SYT1: variants seen among roughly 807,000 people sequenced by gnomAD.
SYT1 encodes synaptotagmin-1.
In SYT1, 8 loss-of-function variants were observed where a neutral mutation model predicts 44.8. The observed-to-expected ratio is 0.18, with a 90% CI of 0.10 to 0.32. The LOEUF is 0.32. Ranked by LOEUF, SYT1 falls within the 10% of genes least tolerant of loss-of-function variation. SYT1 has a pLI of 1.00. For synonymous variants in SYT1, 154 were observed against 188.8 expected, an observed-to-expected ratio of 0.82 and a Z score of 1.51; for missense variants, 286 against 509.3, an observed-to-expected ratio of 0.56 and a Z score of 4.22.
In SYT1 at chr12:79,292,066, C is replaced by A. The variant is rs751377933; in HGVS notation, c.410C>A (p.Pro137His). 6.2e-7 allele frequency: 1 copy of A among 1,613,884 alleles called. No individual in the cohort carries two copies. Among genetic ancestry groups the A allele is most frequent in the Non-Finnish European group, 8.5e-7 (1 of 1,179,984 alleles). ...ACAGATGGAGAAGAAAAAGAAGAAC[C>A]CAAAGAAGAGGAGAAACTGGGAAAA... ...GLTDGEEKEE[P>H]KEEEKLGKLQ... Residue 137 changes from proline (P) to histidine (H), a missense_variant, in exon 6 of 11, where the codon CCC becomes CAC. Physicochemically the swap from Pro to His is moderately conservative, Grantham distance 77. This residue lies in a region of SYT1 where 141 missense variants were observed against 165.7 expected (regional missense o/e 0.85). Coordinates refer to ENST00000261205, the MANE Select transcript of SYT1 (RefSeq NM_005639.3).
intron 1 of SYT1, among the ~76,000 whole-genome samples, chr12:78,876,914 T>A (rs1430756466): frequency 9.4e-6 from 1 of 106,272 alleles, no homozygotes; most frequent in Non-Finnish European, 1.9e-5. Context: ...TTATATGTAT[T>A]ATATATAATA....
chr12:79,421,325 T>G (rs1476520399), intron 9 of SYT1, among the ~76,000 whole-genome samples: 2 of 152,168 alleles, frequency 1.3e-5, no homozygotes, highest in African/African-American at 4.8e-5. Flanking sequence ...GCTTTTTCAT[T>G]ACTGTCTTGA....
At chr12:79,339,747 G>A (rs1311688113) in intron 8 of SYT1, among the ~76,000 whole-genome samples, 3 of 152,116 alleles carry the variant, frequency 2.0e-5, no homozygotes, top group Non-Finnish European at 4.4e-5. Flanking sequence ...CCTTGCCCAT[G>A]CCTACGTCCT....
intron 3 of SYT1, among the ~76,000 whole-genome samples, chr12:79,098,253 G>A (rs1340461515): frequency 2.0e-5 from 3 of 151,934 alleles, no homozygotes; most frequent in East Asian, 3.9e-4. Flanking sequence ...CTTCTTCCAC[G>A]ACACTGTCAT....
chr12:79,195,710 C>T (rs993362797), intron 3 of SYT1, among the ~76,000 whole-genome samples: 36 of 152,240 alleles, frequency 2.4e-4, no homozygotes, highest in African/African-American at 8.7e-4. Context: ...GATTTAGGAA[C>T]AGATTAAAAG....
At chr12:78,996,276 TC>T (rs1870377069) in intron 2 of SYT1, among the ~76,000 whole-genome samples, 1 of 152,212 alleles carries the variant, frequency 6.6e-6, no homozygotes, top group Non-Finnish European at 1.5e-5. Context: ...CTCAAGAGAA[TC>T]CCTTGATCAC....
intron 1 of SYT1, among the ~76,000 whole-genome samples, chr12:78,956,856 G>A (rs576702131): frequency 6.6e-6 from 1 of 152,210 alleles, no homozygotes; most frequent in African/African-American, 2.4e-5. Flanking sequence ...GTTAAATGGA[G>A]TCTATTTTTC....
At chr12:79,170,862 A>G (rs1365215414) in intron 3 of SYT1, among the ~76,000 whole-genome samples, 1 of 151,530 alleles carries the variant, frequency 6.6e-6, no homozygotes, top group East Asian at 1.9e-4. Flanking sequence ...AATCTATTTT[A>G]TGTTGATTTT....
At chr12:79,279,191 A>G (rs780524692) in intron 4 of SYT1, among the ~76,000 whole-genome samples, 20 of 151,860 alleles carry the variant, frequency 1.3e-4, no homozygotes, top group Non-Finnish European at 2.4e-4. Flanking sequence ...ACCAAGCCAG[A>G]AAAGGACACA....
At chr12:79,079,854 A>G (rs1445796797) in intron 3 of SYT1, among the ~76,000 whole-genome samples, 1 of 152,112 alleles carries the variant, frequency 6.6e-6, no homozygotes, top group Non-Finnish European at 1.5e-5. Flanking sequence ...ATCCATAAAC[A>G]TGAAAAATGG....
intron 9 of SYT1, among the ~76,000 whole-genome samples, chr12:79,369,155 G>A (rs1337578894): frequency 1.3e-5 from 2 of 152,288 alleles, no homozygotes; most frequent in East Asian, 3.9e-4. Context: ...CTATAAACCT[G>A]AAACCTATCT....
intron 9 of SYT1, among the ~76,000 whole-genome samples, chr12:79,395,150 G>T (rs1465044): frequency 0.31 from 47,814 of 151,942 alleles, 7,980 homozygotes; most frequent in East Asian, 0.57. Flanking sequence ...ATAAACCATG[G>T]CTGCATTTAA....
rs544908016 is a variant in SYT1, at chr12:79,064,163, G to C, written c.-18+16801G>C. Among the ~76,000 whole-genome samples the C allele has an allele frequency of 2.0e-5, 3 of 152,160 alleles. No homozygotes were observed. In the East Asian group the frequency reaches 5.8e-4, roughly 29 times the overall value. On this transcript the variant is annotated intron_variant, in intron 3 of 10. Coordinates refer to ENST00000261205, the MANE Select transcript of SYT1 (RefSeq NM_005639.3). ...GTGCTACACTCAGAGAATGTTTAAAGAAATGAGGAATGAAGAAAGGGAGTG... is the reference window on the plus strand; with the variant it reads ...GTGCTACACTCAGAGAATGTTTAAACAAATGAGGAATGAAGAAAGGGAGTG...
chr12:79,064,926 G>GAA (rs549891799), intron 3 of SYT1, among the ~76,000 whole-genome samples: 14 of 111,454 alleles, frequency 1.3e-4, no homozygotes, highest in African/African-American at 4.6e-4. Context: ...AAAAAATAGA[G>GAA]AGAAAGAAAG....
chr12:79,083,951 G>T (rs370565448), intron 3 of SYT1, among the ~76,000 whole-genome samples: 2 of 152,176 alleles, frequency 1.3e-5, no homozygotes, highest in East Asian at 3.9e-4. Context: ...ATTCACAAAT[G>T]AGCATATCTC....
At chr12:79,302,380 T>C (rs917931418) in intron 8 of SYT1, among the ~76,000 whole-genome samples, 1 of 152,162 alleles carries the variant, frequency 6.6e-6, no homozygotes, top group African/African-American at 2.4e-5. Context: ...TGATGTTAAT[T>C]AAATGGAGTA....
At chr12:79,299,882 AAAT>A (rs1340179944) in intron 8 of SYT1, among the ~76,000 whole-genome samples, 6 of 152,050 alleles carry the variant, frequency 3.9e-5, no homozygotes, top group Admixed American at 3.9e-4. Flanking sequence ...TGACAACGAA[AAAT>A]TATTTTATTT....
At chr12:79,424,495 T>C (rs1869315519) in intron 9 of SYT1, among the ~76,000 whole-genome samples, 1 of 152,176 alleles carries the variant, frequency 6.6e-6, no homozygotes, top group Admixed American at 6.5e-5. Flanking sequence ...CATAAGCATA[T>C]AGACATCTGT....
At chr12:78,909,981 C>T (rs1281340965) in intron 1 of SYT1, among the ~76,000 whole-genome samples, 2 of 151,790 alleles carry the variant, frequency 1.3e-5, no homozygotes. Flanking sequence ...ATTGTTTGAC[C>T]CCTTCTTCCT....
Sources: gnomAD v4.1 joint callset for allele counts (sites outside exome capture counted in the v4.1 genomes callset) on GRCh38, gnomAD v4.1.1 for gene constraint, gnomAD v4.1.1 regional missense constraint, MANE v1.5 for transcripts, NCBI Gene and HGNC (gene_info 2026-07-23, HGNC 2026-07-21) for gene names.